Variants in LUZP1 observed in about 807,000 individuals in gnomAD.
LUZP1 encodes filamin mechanobinding actin cross-linking protein.
In LUZP1, 25 loss-of-function variants were observed where a neutral mutation model predicts 71.3. The observed-to-expected ratio is 0.35, with a 90% CI of 0.26 to 0.49. LUZP1 has a LOEUF of 0.49. Among genes scored for constraint, LUZP1 ranks in the 20% least tolerant of loss-of-function variants. The pLI is 0.99. For synonymous variants in LUZP1, 481 were observed against 506.4 expected, an observed-to-expected ratio of 0.95 and a Z score of 0.67; for missense variants, 1,142 against 1,300.8, an observed-to-expected ratio of 0.88 and a Z score of 1.88.
intron 2 of LUZP1, among the ~76,000 whole-genome samples, chr1:23,139,207 C>T (rs1035556760): frequency 1.3e-5 from 2 of 150,612 alleles, no homozygotes; most frequent in South Asian, 2.1e-4. Flanking sequence ...AAAATGCCAA[C>T]ACAAGGTGAA....
chr1:23,175,663 G>A (rs992381001), intron 1 of LUZP1, among the ~76,000 whole-genome samples: 4 of 152,184 alleles, frequency 2.6e-5, no homozygotes, highest in African/African-American at 9.7e-5. Context: ...CATTTCATAA[G>A]AAATGGCTGA....
At chr1:23,100,112 T>G (rs1188625575) in intron 3 of LUZP1, among the ~76,000 whole-genome samples, 1 of 152,222 alleles carries the variant, frequency 6.6e-6, no homozygotes, top group East Asian at 1.9e-4. Flanking sequence ...CACACTCTAT[T>G]GCAGCTTTAT....
intron 2 of LUZP1, among the ~76,000 whole-genome samples, chr1:23,167,621 A>C (rs1644520211): frequency 2.6e-5 from 4 of 152,214 alleles, no homozygotes. Flanking sequence ...CAAGCTCTGC[A>C]GTGTTAGGAA....
chr1:23,086,371 T>C (rs1349457039), exon 5 of LUZP1: 2 of 152,622 alleles, frequency 1.3e-5, no homozygotes, highest in South Asian at 2.1e-4. Flanking sequence ...GCAAATCCTA[T>C]TGCACTCAGA....
intron 2 of LUZP1, among the ~76,000 whole-genome samples, chr1:23,123,525 T>G (rs1479998106): frequency 6.7e-6 from 1 of 149,720 alleles, no homozygotes; most frequent in Non-Finnish European, 1.5e-5. Flanking sequence ...CATTAGGCTA[T>G]CTCAAGGTTG....
exon 4 of LUZP1, chr1:23,091,605 G>A (rs766073999): frequency 1.9e-6 from 3 of 1,614,166 alleles, no homozygotes; most frequent in East Asian, 2.2e-5. Context: ...CCTCTCCACA[G>A]GATCCGATGG....
intron 2 of LUZP1, among the ~76,000 whole-genome samples, chr1:23,124,146 CA>C (rs1644152054): frequency 6.6e-6 from 1 of 152,140 alleles, no homozygotes; most frequent in Non-Finnish European, 1.5e-5. Flanking sequence ...TGAGCAAGAG[CA>C]AATGGAAAGC....
chr1:23,139,019 A>AAAATATATATATAT (rs1317355746), intron 2 of LUZP1, among the ~76,000 whole-genome samples: 3 of 59,950 alleles, frequency 5.0e-5, no homozygotes, highest in African/African-American at 9.3e-5. Context: ...AAAAAAAAAA[A>AAAATATATATATAT]ATATATATAT....
At chr1:23,145,581 T>C (rs1039139819) in intron 2 of LUZP1, among the ~76,000 whole-genome samples, 5 of 151,852 alleles carry the variant, frequency 3.3e-5, no homozygotes, top group Non-Finnish European at 7.4e-5. Context: ...GTGTTTCTCC[T>C]GTCTCAGCCT....
chr1:23,105,064 G>A (rs1643969758), intron 3 of LUZP1, among the ~76,000 whole-genome samples: 1 of 152,234 alleles, frequency 6.6e-6, no homozygotes, highest in African/African-American at 2.4e-5. Context: ...TTTGCAACCT[G>A]TATTGGACAA....
chr1:23,118,144 G>A (rs914066192), intron 2 of LUZP1, among the ~76,000 whole-genome samples: 1 of 152,010 alleles, frequency 6.6e-6, no homozygotes, highest in African/African-American at 2.4e-5. Context: ...GCTTGCGCCT[G>A]TAATCCCAGC....
chr1:23,091,610 C>G (rs139322781), exon 4 of LUZP1: 1 of 1,614,124 alleles, frequency 6.2e-7, no homozygotes, highest in African/African-American at 1.3e-5. Context: ...CCACAGGATC[C>G]GATGGCTTGA....
intron 2 of LUZP1, among the ~76,000 whole-genome samples, chr1:23,153,310 A>C (rs991719745): frequency 1.6e-4 from 25 of 152,160 alleles, no homozygotes; most frequent in African/African-American, 6.0e-4. Flanking sequence ...TGCCTAGAAA[A>C]CCATTCCCTC....
intron 2 of LUZP1, among the ~76,000 whole-genome samples, chr1:23,121,925 T>C (rs914803592): frequency 3.9e-5 from 6 of 152,206 alleles, no homozygotes; most frequent in Admixed American, 3.9e-4. Context: ...GGCAGGAGAA[T>C]TGCTTGAACC....
chr1:23,092,583 C>G, exon 4 of LUZP1: 2 of 1,614,190 alleles, frequency 1.2e-6, no homozygotes, highest in Non-Finnish European at 1.7e-6. Context: ...GGCCTTAGAA[C>G]AGCCAGAGTT....
At chr1:23,167,926 G>A (rs866606833) in intron 2 of LUZP1, among the ~76,000 whole-genome samples, 1 of 151,860 alleles carries the variant, frequency 6.6e-6, no homozygotes. Flanking sequence ...GGCGGGCCCC[G>A]CGCTGCGGAA....
chr1:23,163,735 T>C (rs757053171), intron 2 of LUZP1, among the ~76,000 whole-genome samples: 1 of 152,098 alleles, frequency 6.6e-6, no homozygotes, highest in Non-Finnish European at 1.5e-5. Flanking sequence ...TATTTTAATA[T>C]GGTATTTTCA....
chr1:23,098,494 A>G lies in LUZP1; in HGVS notation c.-119-4114T>C, dbSNP rs1192182502. ...GAGAAGTAGAGAACAAGATCATTAG[A>G]AGAGAGAAATAATTGAGAGGTAAAG... is the stretch of plus-strand genomic sequence containing the variant. On this transcript the variant is annotated intron_variant, in intron 3 of 4. Coordinates refer to ENST00000302291, the Ensembl canonical transcript of LUZP1. Among the ~76,000 whole-genome samples, 5 of 152,268 alleles carry G rather than the reference A, an allele frequency of 3.3e-5. 1 individual carries two copies. The highest frequency in any genetic ancestry group is 1.2e-4 in the African/African-American group (5 of 41,538).
chr1:23,092,742 G>T (rs752753872), exon 4 of LUZP1: 17 of 1,613,932 alleles, frequency 1.1e-5, no homozygotes, highest in East Asian at 4.5e-5. Flanking sequence ...CGTTCGTGTT[G>T]TCTTCTCCAC....
Sources: gnomAD v4.1 joint callset for allele counts (sites outside exome capture counted in the v4.1 genomes callset) on GRCh38, gnomAD v4.1.1 for gene constraint, MANE v1.5 for transcripts, NCBI Gene and HGNC (gene_info 2026-07-23, HGNC 2026-07-21) for gene names.